Variants in ATP8A2 observed in about 807,000 individuals in gnomAD.
ATP8A2 encodes phospholipid-transporting ATPase IB.
Under a neutral mutation model 165.6 loss-of-function variants are expected in ATP8A2, and 100 were observed. The observed-to-expected ratio is 0.60, with a 90% CI of 0.51 to 0.71. The LOEUF (loss-of-function observed/expected upper bound fraction) is 0.71, where lower values mean the gene tolerates loss of function less well. Ranked by LOEUF, ATP8A2 falls within the 30% of genes least tolerant of loss-of-function variation. The pLI is 0.00. For missense variants in ATP8A2, 1,227 were observed against 1,479.5 expected (o/e 0.83, Z 2.80); for synonymous variants, 543 against 548.8 (o/e 0.99, Z 0.15).
intron 34 of ATP8A2, among the ~76,000 whole-genome samples, chr13:25,966,717 C>T (rs1955785845): frequency 6.6e-6 from 1 of 152,352 alleles, no homozygotes; most frequent in South Asian, 2.1e-4. Flanking sequence ...CATGCTCAGA[C>T]CATTGCCCTC....
At chr13:25,819,644 T>G (rs1264943125) in intron 27 of ATP8A2, among the ~76,000 whole-genome samples, 5 of 147,964 alleles carry the variant, frequency 3.4e-5, no homozygotes, top group African/African-American at 1.2e-4. Flanking sequence ...CTAAAGAACT[T>G]CAGGGTTTTT....
intron 33 of ATP8A2, among the ~76,000 whole-genome samples, chr13:25,936,934 C>G (rs1350857243): frequency 1.3e-5 from 2 of 152,184 alleles, no homozygotes; most frequent in Admixed American, 6.5e-5. Context: ...CACCTACAGC[C>G]CTCCGCTTAT....
Position 25,530,027 on chromosome 13 carries a change from C to G in ATP8A2, c.250C>G (p.Leu84Val), listed in dbSNP as rs1566226765. The G allele has an allele frequency of 1.2e-6, 2 of 1,612,392 alleles. No individual in the cohort carries two copies. Among genetic ancestry groups the G allele is most frequent in the Admixed American group, 3.3e-5 (2 of 59,892 alleles). Residue 84 changes from leucine to valine, a missense_variant, in exon 3 of 37, where the codon CTA becomes GTA. Around this residue, in one of 5 missense-constraint regions of ATP8A2, gnomAD observed 356 missense variants for 394.9 expected, o/e 0.90. Coordinates refer to ENST00000381655, the MANE Select transcript of ATP8A2 (RefSeq NM_016529.6). ...STAKYSVLTF[L>V]PRFLYEQIRR... is the part of the protein sequence containing the mutation. ...GGCCAAGTACAGCGTGTTGACATTT[C>G]TACCTCGATTCTTGTATGAGCAGAT...
intron 33 of ATP8A2, among the ~76,000 whole-genome samples, chr13:25,894,377 T>G (rs1371887712): frequency 6.6e-6 from 1 of 152,264 alleles, no homozygotes; most frequent in Non-Finnish European, 1.5e-5. Context: ...GGCTCTGTTC[T>G]GTTCCATTGA....
At chr13:25,913,426 T>A (rs1954178564) in intron 33 of ATP8A2, among the ~76,000 whole-genome samples, 1 of 152,252 alleles carries the variant, frequency 6.6e-6, no homozygotes, top group African/African-American at 2.4e-5. Flanking sequence ...AAAATTATTT[T>A]CCTTTCATAA....
chr13:25,644,673 A>G (rs1219047408), intron 24 of ATP8A2, among the ~76,000 whole-genome samples: 1 of 152,158 alleles, frequency 6.6e-6, no homozygotes, highest in Admixed American at 6.5e-5. Context: ...CAGTGGAGCC[A>G]TCTAGCCTTG....
chr13:25,891,209 G>A (rs1359055210), intron 33 of ATP8A2, among the ~76,000 whole-genome samples: 1 of 152,176 alleles, frequency 6.6e-6, no homozygotes, highest in Non-Finnish European at 1.5e-5. Flanking sequence ...TCTTCAATGT[G>A]TATTTGATGT....
chr13:25,564,563 A>G (rs2039256198), intron 16 of ATP8A2, among the ~76,000 whole-genome samples: 1 of 152,232 alleles, frequency 6.6e-6, no homozygotes, highest in African/African-American at 2.4e-5. Context: ...GTAGTTACCC[A>G]GCGCATAAAT....
At chr13:25,456,172 T>G (rs2035359149) in intron 1 of ATP8A2, among the ~76,000 whole-genome samples, 1 of 152,244 alleles carries the variant, frequency 6.6e-6, no homozygotes, top group African/African-American at 2.4e-5. Flanking sequence ...TCCCAGTTGC[T>G]GACTTTACAG....
chr13:26,014,675 A>G (rs996896197), intron 36 of ATP8A2, among the ~76,000 whole-genome samples: 1 of 152,176 alleles, frequency 6.6e-6, no homozygotes, highest in African/African-American at 2.4e-5. Context: ...CTATGGGACT[A>G]TTGGGTTGGT....
At chr13:25,723,018 A>G (rs1191008574) in intron 25 of ATP8A2, among the ~76,000 whole-genome samples, 1 of 152,244 alleles carries the variant, frequency 6.6e-6, no homozygotes. Flanking sequence ...GAGTGTATTC[A>G]TTCTCACTGC....
chr13:25,924,495 A>G (rs1172288888), intron 33 of ATP8A2, among the ~76,000 whole-genome samples: 3 of 151,950 alleles, frequency 2.0e-5, no homozygotes, highest in Admixed American at 1.3e-4. Flanking sequence ...TCTGTGTCCA[A>G]ATTTGCCCTT....
In ATP8A2 at chr13:25,666,994, G is replaced by A. The variant is rs115097849; in HGVS notation, c.2212-32179G>A. On this transcript the variant is annotated intron_variant, in intron 24 of 36. Transcript: ENST00000381655. The stretch of plus-strand genomic sequence containing the variant: ...GCCCCAGCTTACTTTTTGTTATGGA[G>A]GTAAAAATTACATAACATAAAACTA... 5.1e-3 allele frequency among the ~76,000 whole-genome samples: 774 copies of A among 152,122 alleles called. 4 individuals are homozygous for A. The highest frequency in any genetic ancestry group is 0.017 in the African/African-American group (711 of 41,518).
intron 24 of ATP8A2, among the ~76,000 whole-genome samples, chr13:25,622,241 G>A (rs1264757385): frequency 6.6e-6 from 1 of 150,896 alleles, no homozygotes; most frequent in African/African-American, 2.4e-5. Context: ...TTCAAGAAAT[G>A]TATATGCCAA....
chr13:25,984,096 G>A (rs1956224724), intron 35 of ATP8A2, among the ~76,000 whole-genome samples: 1 of 152,032 alleles, frequency 6.6e-6, no homozygotes, highest in Admixed American at 6.6e-5. Context: ...AATTAGCCAG[G>A]TGTGGTGGTG....
chr13:25,879,430 A>C (rs2138845317), intron 33 of ATP8A2, among the ~76,000 whole-genome samples: 1 of 152,336 alleles, frequency 6.6e-6, no homozygotes, highest in African/African-American at 2.4e-5. Context: ...TAAACAGAAA[A>C]AGAATGCATA....
chr13:25,842,610 T>G (rs1389630380), intron 30 of ATP8A2, among the ~76,000 whole-genome samples: 15 of 150,640 alleles, frequency 1.0e-4, no homozygotes, highest in African/African-American at 3.7e-4. Flanking sequence ...AGGTGGAGGT[T>G]GCAGTGAGCC....
In ATP8A2 at chr13:26,020,219, T is replaced by C; in HGVS notation, c.*234T>C. On this transcript the variant is annotated 3_prime_UTR_variant, in exon 37 of 37. Transcript: ENST00000381655. ...CGTCTGCAGTGCTTAGCCTAACTTT[T>C]GTTTATGTCGTTATGAAGCATTCAA... 5.4e-6 allele frequency: 3 copies of C among 557,052 alleles called. No homozygotes were observed. Among genetic ancestry groups the C allele is most frequent in the Non-Finnish European group, 9.6e-6 (3 of 312,484 alleles). 34.5% of individuals were successfully genotyped at this position (557,052 alleles called of 1,614,324 possible).
chr13:25,509,119 T>C (rs1445169815), intron 2 of ATP8A2, among the ~76,000 whole-genome samples: 1 of 152,230 alleles, frequency 6.6e-6, no homozygotes, highest in Non-Finnish European at 1.5e-5. Context: ...GGTTATGATA[T>C]GGTGTAGCAT....
Sources: allele counts gnomAD v4.1 joint callset (sites outside exome capture counted in the v4.1 genomes callset), GRCh38; gene constraint gnomAD v4.1.1; regional missense constraint gnomAD v4.1.1; transcripts MANE v1.5; gene names NCBI Gene and HGNC (gene_info 2026-07-23, HGNC 2026-07-21).